ZMAT4: variants seen among roughly 807,000 people sequenced by gnomAD.
ZMAT4 encodes the protein zinc finger matrin-type protein 4.
In ZMAT4, 17 loss-of-function variants were observed where a neutral mutation model predicts 28.7. The ratio of observed to expected loss-of-function variants is 0.59; its 90% confidence interval spans 0.41 to 0.89. The LOEUF (loss-of-function observed/expected upper bound fraction) is 0.89. ZMAT4 is among the 40% of genes least tolerant of loss of function. The pLI is 0.00. For synonymous variants in ZMAT4, 117 were observed against 109.2 expected (o/e 1.07, Z -0.44); for missense variants, 240 against 283.8 (o/e 0.85, Z 1.11).
intron 2 of ZMAT4, among the ~76,000 whole-genome samples, chr8:40,781,276 T>TA (rs1007657501): frequency 1.7e-4 from 25 of 151,002 alleles, no homozygotes; most frequent in Non-Finnish European, 2.2e-4. Context: ...TCCAATAGCA[T>TA]AAAAAAAAAC....
intron 6 of ZMAT4, among the ~76,000 whole-genome samples, chr8:40,542,891 A>G (rs546307603): frequency 1.3e-5 from 2 of 152,302 alleles, no homozygotes; most frequent in East Asian, 3.9e-4. Context: ...TTCAATGAAG[A>G]ATTGGACCAG....
At chr8:40,564,315 G>A (rs1041630872) in intron 6 of ZMAT4, among the ~76,000 whole-genome samples, 4 of 152,022 alleles carry the variant, frequency 2.6e-5, no homozygotes, top group Non-Finnish European at 2.9e-5. Flanking sequence ...ATTGAAGCAG[G>A]TGTTATTTCT....
intron 2 of ZMAT4, among the ~76,000 whole-genome samples, chr8:40,797,459 T>A (rs1776369564): frequency 6.6e-6 from 1 of 152,276 alleles, no homozygotes. Flanking sequence ...ATTAAAGAGA[T>A]CACAATTGAA....
chr8:40,707,346 T>A (rs1810405965), intron 3 of ZMAT4, among the ~76,000 whole-genome samples: 1 of 152,184 alleles, frequency 6.6e-6, no homozygotes, highest in South Asian at 2.1e-4. Flanking sequence ...AATGTGGTAC[T>A]AAAAAATAGA....
At chr8:40,559,968 C>T (rs1803681872) in intron 6 of ZMAT4, among the ~76,000 whole-genome samples, 1 of 152,038 alleles carries the variant, frequency 6.6e-6, no homozygotes, top group South Asian at 2.1e-4. Flanking sequence ...GCAGAAACCG[C>T]AGAGGAGATA....
chr8:40,856,688 C>T (rs1265269494), intron 1 of ZMAT4, among the ~76,000 whole-genome samples: 1 of 152,156 alleles, frequency 6.6e-6, no homozygotes, highest in Non-Finnish European at 1.5e-5. Flanking sequence ...CCCCAGGTGA[C>T]ATTGGGAGAT....
chr8:40,640,719 G>C (rs1251442464), intron 5 of ZMAT4, among the ~76,000 whole-genome samples: 1 of 152,058 alleles, frequency 6.6e-6, no homozygotes, highest in Non-Finnish European at 1.5e-5. Flanking sequence ...CCAGCACTTT[G>C]GGAGGTCGAG....
At chr8:40,897,416 G>T (rs1818914858) in intron 1 of ZMAT4, among the ~76,000 whole-genome samples, 1 of 152,152 alleles carries the variant, frequency 6.6e-6, no homozygotes. Flanking sequence ...CCCCAGCCCT[G>T]CAGACACCCT....
At chr8:40,756,798 A>ATGTT (rs1485170919) in intron 3 of ZMAT4, among the ~76,000 whole-genome samples, 1 of 151,944 alleles carries the variant, frequency 6.6e-6, no homozygotes, top group Non-Finnish European at 1.5e-5. Context: ...AACATTTTCA[A>ATGTT]CTGATCAATA....
intron 1 of ZMAT4, among the ~76,000 whole-genome samples, chr8:40,837,850 G>A (rs1434999204): frequency 1.3e-5 from 2 of 152,220 alleles, no homozygotes; most frequent in Non-Finnish European, 2.9e-5. Context: ...AGCCAACCAG[G>A]AGGATGTTCT....
chr8:40,538,419 C>T (rs892126587), intron 6 of ZMAT4, among the ~76,000 whole-genome samples: 1 of 152,168 alleles, frequency 6.6e-6, no homozygotes, highest in African/African-American at 2.4e-5. Context: ...TCTCTTGCCT[C>T]CCTAAAATGT....
chr8:40,693,491 T>C (rs1435288998), intron 4 of ZMAT4, among the ~76,000 whole-genome samples: 2 of 152,188 alleles, frequency 1.3e-5, no homozygotes, highest in Non-Finnish European at 2.9e-5. Flanking sequence ...ACTGCTTCCA[T>C]TTTATACAGA....
At chr8:40,760,774 TTCTCTCTCTC>T (rs148721827) in intron 3 of ZMAT4, among the ~76,000 whole-genome samples, 31 of 141,404 alleles carry the variant, frequency 2.2e-4, no homozygotes, top group Non-Finnish European at 1.6e-5. Flanking sequence ...CTCTCTCTCT[TTCTCTCTCTC>T]TCTCTCTCGT....
chr8:40,616,315 G>A lies in ZMAT4; in HGVS notation c.578-35054C>T, dbSNP rs993791781. 1.2e-4 allele frequency among the ~76,000 whole-genome samples: 19 copies of A among 152,204 alleles called. 1 individual carries two copies. Among genetic ancestry groups the A allele is most frequent in the African/African-American group, 3.9e-4 (16 of 41,450 alleles). Reference sequence around the variant, plus strand: ...ACTGTAAACTAGTTCAACCATTGTGGAAGAGAGTGTGGTGATTCCTCAAGG... The same window carrying A: ...ACTGTAAACTAGTTCAACCATTGTGAAAGAGAGTGTGGTGATTCCTCAAGG... On this transcript the variant is annotated intron_variant, in intron 5 of 6. Transcript: ENST00000297737.
chr8:40,787,874 T>C (rs1814152833), intron 2 of ZMAT4, among the ~76,000 whole-genome samples: 1 of 152,220 alleles, frequency 6.6e-6, no homozygotes, highest in Non-Finnish European at 1.5e-5. Flanking sequence ...TCTAGAATTT[T>C]CCTTGTAATG....
chr8:40,628,582 G>C (rs1806459558), intron 5 of ZMAT4, among the ~76,000 whole-genome samples: 1 of 152,166 alleles, frequency 6.6e-6, no homozygotes, highest in African/African-American at 2.4e-5. Flanking sequence ...TAAGAAACTT[G>C]TAAGTGTAGA....
chr8:40,809,595 T>C (rs1815238503), intron 2 of ZMAT4, among the ~76,000 whole-genome samples: 2 of 152,180 alleles, frequency 1.3e-5, no homozygotes, highest in Non-Finnish European at 2.9e-5. Flanking sequence ...AGAAAAAACA[T>C]AGTTTTAAGA....
In ZMAT4 at chr8:40,739,246, C is replaced by T. The variant is rs564924431; in HGVS notation, c.192+28395G>A. Among the ~76,000 whole-genome samples, 16 of 152,294 alleles carry T rather than the reference C, an allele frequency of 1.1e-4. No individual in the cohort carries two copies. In the East Asian group the frequency reaches 1.3e-3, roughly 13 times the overall value. On this transcript the variant is annotated intron_variant, in intron 3 of 6. Coordinates refer to ENST00000297737, the MANE Select transcript of ZMAT4 (RefSeq NM_024645.3). Reference sequence around the variant, plus strand: ...GCAAAAGAATACCCAAAAGGAGTCACGGCAACAGAAGAAACCTTAGCTTCT... The same window carrying T: ...GCAAAAGAATACCCAAAAGGAGTCATGGCAACAGAAGAAACCTTAGCTTCT...
Position 40,889,589 on chromosome 8 carries a change from C to G in ZMAT4, c.-5+8094G>C, listed in dbSNP as rs62640285. ...GATAATATAATATTCTGCTCTAGTT[C>G]TCAGGACTACATACACCTTTTGTTT... On this transcript the variant is annotated intron_variant, in intron 1 of 6. Transcript: ENST00000297737. 4.2e-4 allele frequency among the ~76,000 whole-genome samples: 64 copies of G among 152,154 alleles called. 1 individual carries two copies. The highest frequency in any genetic ancestry group is 2.8e-4 in the Non-Finnish European group (19 of 68,036).
Sources: gnomAD v4.1 joint callset for allele counts (sites outside exome capture counted in the v4.1 genomes callset) on GRCh38, gnomAD v4.1.1 for gene constraint, MANE v1.5 for transcripts, NCBI Gene and HGNC (gene_info 2026-07-23, HGNC 2026-07-21) for gene names.